The following HMCN2 variants were observed in gnomAD, a reference collection of about 807,000 sequenced individuals.
HMCN2 encodes hemicentin-2.
In HMCN2, 325 loss-of-function variants were observed where a neutral mutation model predicts 377.5. The ratio of observed to expected loss-of-function variants is 0.86; its 90% CI spans 0.79 to 0.94. HMCN2 has a LOEUF of 0.94. HMCN2 is among the 40% of genes least tolerant of loss of function. HMCN2 has a pLI of 0.00. For missense variants in HMCN2, 4,543 were observed against 4,725.3 expected (o/e 0.96, Z 1.13); for synonymous variants, 2,007 against 2,046.8 (o/e 0.98, Z 0.53).
chr9:130,401,333 AT>A (rs923364955), intron 77 of HMCN2, among the ~76,000 whole-genome samples: 2 of 152,008 alleles, frequency 1.3e-5, no homozygotes, highest in East Asian at 1.9e-4. Context: ...GTACATGGTG[AT>A]TTTTTTTAAG....
Position 130,375,696 on chromosome 9 carries a change from G to T in HMCN2, c.7764G>T (p.Gly2588=), listed in dbSNP as rs960737055. ...CCAACATCACCTGGATGAAGGACGG[G>T]GCCCCGTTTGAGGCCTCCAGGAACA... ...PSPNITWMKD[G]APFEASRNIQ... is the part of the protein sequence containing the mutation. Residue 2588 remains glycine (G), a synonymous_variant, in exon 50 of 98, where the codon GGG becomes GGT. Transcript: ENST00000683500. The T allele has an allele frequency of 2.0e-6, 2 of 985,932 alleles. No individual in the cohort carries two copies. Among genetic ancestry groups the T allele is most frequent in the East Asian group, 2.3e-4 (2 of 8,818 alleles). The allele number at this position is 985,932 out of a possible 1,614,324, so 61.1% of individuals were successfully genotyped here.
chr9:130,352,684 C>G (rs2131529517), intron 30 of HMCN2, among the ~76,000 whole-genome samples: 2 of 152,214 alleles, frequency 1.3e-5, no homozygotes, highest in East Asian at 3.9e-4. Flanking sequence ...CAGAGCAGGG[C>G]CCAGAATCCA....
At chr9:130,357,757 A>C in intron 34 of HMCN2, 77 bp from the exon 35 acceptor site, 1 of 1,114,708 alleles carries the variant, frequency 9.0e-7, no homozygotes, top group Non-Finnish European at 1.2e-6. Flanking sequence ...ACCCCCAGGC[A>C]TCGAGGGGGT....
At chr9:130,295,875 G>A (rs1255366533) in intron 6 of HMCN2, 103 bp downstream of exon 6, 1 of 417,064 alleles carries the variant, frequency 2.4e-6, no homozygotes, top group African/African-American at 2.1e-5. Context: ...GGAAGCTGAT[G>A]GCTAGAGTGT....
intron 15 of HMCN2, among the ~76,000 whole-genome samples, chr9:130,311,380 G>A (rs913470119): frequency 5.9e-5 from 9 of 152,310 alleles, no homozygotes; most frequent in African/African-American, 2.2e-4. Context: ...GGCTTGGGGT[G>A]CTCTTAGCCT....
At chr9:130,344,226 T>A (rs1208987416) in intron 25 of HMCN2, among the ~76,000 whole-genome samples, 1 of 152,014 alleles carries the variant, frequency 6.6e-6, no homozygotes. Flanking sequence ...AGGGGAAAGC[T>A]GAGGAAGATG....
intron 8 of HMCN2, among the ~76,000 whole-genome samples, chr9:130,299,905 A>C (rs947086217): frequency 1.3e-5 from 2 of 150,122 alleles, no homozygotes; most frequent in African/African-American, 4.9e-5. Flanking sequence ...CCACCCATTC[A>C]TGCACTCATC....
In HMCN2 at chr9:130,299,204, T is replaced by G; in HGVS notation, c.1192T>G (p.Phe398Val). Residue 398 changes from phenylalanine to valine, a missense_variant, in exon 8 of 98, where the codon TTC becomes GTC. Phe to Val is a conservative substitution (Grantham distance 50). This residue lies in a region of HMCN2 where 547 missense variants were observed against 189.9 expected (regional missense o/e 2.88). Coordinates refer to ENST00000683500, the MANE Select transcript of HMCN2 (RefSeq NM_001291815.2). ...GCCCTTCCACACCCCCAAGGAGCGC[T>G]TCTACCTCAAGGTGAAGGGCAAGGA... The part of the protein sequence containing the change: ...GPPFHTPKER[F>V]YLKVKGKDHE... 2.1e-6 allele frequency: 1 copy of G among 471,090 alleles called. No individual in the cohort carries two copies. The highest frequency in any genetic ancestry group is 4.4e-6 in the Non-Finnish European group (1 of 227,022). The allele number at this position is 471,090 out of a possible 1,614,324, so 29.2% of individuals were successfully genotyped here.
chr9:130,418,847 C>A lies in HMCN2; in HGVS notation c.13037C>A (p.Ala4346Asp), dbSNP rs1311536691. ...SGDDVALRCQ[A>D]TGEPTPTIEW... ...GATGACGTGGCCCTGCGGTGCCAGGCCACTGGAGAGCCCACACCCACCATT... is the reference window on the plus strand; with the variant it reads ...GATGACGTGGCCCTGCGGTGCCAGGACACTGGAGAGCCCACACCCACCATT... The change falls in exon 86 of 98, where the codon GCC (alanine) becomes GAC (aspartate). Residue 4346 changes from alanine to aspartate, a missense_variant. By Grantham distance (126) the Ala-to-Asp change is moderately radical. This residue lies in a region of HMCN2 where 1,155 missense variants were observed against 1,157.7 expected (regional missense o/e 1.00). Coordinates refer to ENST00000683500, the MANE Select transcript of HMCN2 (RefSeq NM_001291815.2). The A allele has an allele frequency of 1.9e-6, 3 of 1,546,552 alleles. No homozygotes were observed. Among genetic ancestry groups the A allele is most frequent in the Admixed American group, 2.0e-5 (1 of 50,692 alleles).
rs73551758 is a variant in HMCN2 at position 130,397,696 on chromosome 9, C to T, written c.11326+41C>T. On this transcript the variant is annotated intron_variant, in intron 74 of 97. Coordinates refer to ENST00000683500, the MANE Select transcript of HMCN2 (RefSeq NM_001291815.2). ...AAGGCCTTCAGTGTCCAGTCCCTGT[C>T]GGGGTCCAGTCCTTCTTAGTTTCTG... is the stretch of plus-strand genomic sequence containing the variant. The T allele has an allele frequency of 3.4e-3, 4,348 of 1,285,628 alleles. 112 individuals carry two copies. In the African/African-American group the frequency reaches 0.055, roughly 16 times the overall value. 79.6% of individuals were successfully genotyped at this position (1,285,628 alleles called of 1,614,324 possible).
At position 130,393,560 on chromosome 9, in the gene HMCN2, C is replaced by A. The variant is rs1842441374; in HGVS notation, c.10235-182C>A. 6.6e-6 allele frequency among the ~76,000 whole-genome samples: 1 copy of A among 152,186 alleles called. No homozygotes were observed. The highest frequency in any genetic ancestry group is 1.5e-5 in the Non-Finnish European group (1 of 68,018). On this transcript the variant is annotated intron_variant, in intron 67 of 97. Transcript: ENST00000683500. This position sits in a 1 kb window ranked among gnomAD's most constrained non-coding sequence, Gnocchi z 5.2. Reference sequence around the variant, plus strand: ...AAGCAGCTCAGTAAAGAGACAATCACAATTCCAGGGAACTAGTGACACCAG... The same window carrying A: ...AAGCAGCTCAGTAAAGAGACAATCAAAATTCCAGGGAACTAGTGACACCAG...
chr9:130,355,962 G>C lies in HMCN2; in HGVS notation c.5255+108G>C, dbSNP rs1840004188. On this transcript the variant is annotated intron_variant, in intron 33 of 97. Coordinates refer to ENST00000683500, the MANE Select transcript of HMCN2 (RefSeq NM_001291815.2). ...GAGAGGCTTCCTGTTTCCAGGAGTA[G>C]GAAAGAGGCCTGGAGCCACGGCTGG... 21 of 912,154 alleles carry C rather than the reference G, an allele frequency of 2.3e-5. No individual in the cohort carries two copies. In the South Asian group the frequency reaches 3.0e-4, roughly 13 times the overall value. The allele number at this position is 912,154 out of a possible 1,614,324, so 56.5% of individuals were successfully genotyped here.
chr9:130,353,996 C>G (rs914974), intron 31 of HMCN2, among the ~76,000 whole-genome samples: 21,492 of 151,976 alleles, frequency 0.14, 1,684 homozygotes, highest in East Asian at 0.33. Flanking sequence ...GCTGCATGGG[C>G]TCCACGGCAG....
At chr9:130,366,733 A>G (rs571172064) in intron 43 of HMCN2, among the ~76,000 whole-genome samples, 7 of 152,226 alleles carry the variant, frequency 4.6e-5, no homozygotes, top group Non-Finnish European at 7.4e-5. Context: ...GATTACAGGC[A>G]TGAGCCACAG....
At chr9:130,317,084 T>G in intron 15 of HMCN2, among the ~76,000 whole-genome samples, 1 of 130,492 alleles carries the variant, frequency 7.7e-6, no homozygotes, top group Middle Eastern at 3.9e-3. Context: ...TGCAAGAAGA[T>G]GGAGGGGGTG....
chr9:130,381,062 C>T (rs1378951432), intron 54 of HMCN2, among the ~76,000 whole-genome samples: 1 of 152,196 alleles, frequency 6.6e-6, no homozygotes, highest in Non-Finnish European at 1.5e-5. Flanking sequence ...AACCCTACCA[C>T]TCACCTCTCA....
intron 53 of HMCN2, among the ~76,000 whole-genome samples, chr9:130,378,525 G>A (rs1564833878): frequency 7.8e-6 from 1 of 128,202 alleles, no homozygotes; most frequent in Non-Finnish European, 1.7e-5. Flanking sequence ...AGGCTGGGAG[G>A]GGGAGGCAGG....
intron 15 of HMCN2, among the ~76,000 whole-genome samples, chr9:130,314,952 G>A (rs996521233): frequency 0.011 from 1,625 of 152,062 alleles, 15 homozygotes; most frequent in Middle Eastern, 0.038. Context: ...TGTCCCTTTC[G>A]CTGGGGGAGC....
chr9:130,416,108 T>TTTA (rs1554972530), intron 85 of HMCN2, among the ~76,000 whole-genome samples: 3 of 74,916 alleles, frequency 4.0e-5, no homozygotes, highest in Admixed American at 2.5e-4. Context: ...TTATTTTTTT[T>TTTA]TTTTTTTTTT....
Sources: allele counts gnomAD v4.1 joint callset (sites outside exome capture counted in the v4.1 genomes callset), GRCh38; gene constraint gnomAD v4.1.1; regional missense constraint gnomAD v4.1.1; non-coding constraint Gnocchi (gnomAD v3.1); transcripts MANE v1.5; gene names NCBI Gene and HGNC (gene_info 2026-07-23, HGNC 2026-07-21).